PARP9: variants seen among roughly 807,000 people sequenced by gnomAD.
PARP9 encodes protein mono-ADP-ribosyltransferase PARP9.
PARP9 carries 48 observed loss-of-function variants against 68.8 expected under a neutral mutation model. That is an observed-to-expected ratio of 0.70 (90% confidence interval 0.55 to 0.89). The LOEUF (loss-of-function observed/expected upper bound fraction) is 0.89, where lower values mean the gene tolerates loss of function less well. Among genes scored for constraint, PARP9 ranks in the 40% least tolerant of loss-of-function variants. The pLI is 0.00. For missense variants in PARP9, 806 were observed against 969.3 expected, an observed-to-expected ratio of 0.83 and a Z score of 2.24; for synonymous variants, 309 against 333.8, an observed-to-expected ratio of 0.93 and a Z score of 0.81.
chr3:122,554,330 T>C (rs1418042906), intron 4 of PARP9, among the ~76,000 whole-genome samples: 1 of 152,234 alleles, frequency 6.6e-6, no homozygotes. Flanking sequence ...CAAATTTACA[T>C]ACTCTTAAGT....
At chr3:122,531,984 C>T (rs534980580) in intron 10 of PARP9, 55 of 261,076 alleles carry the variant, frequency 2.1e-4, no homozygotes, top group Middle Eastern at 2.0e-3. Context: ...CCCTTGAGAG[C>T]CCTGGGAGTC....
At chr3:122,561,520 T>A (rs1002628730) in intron 1 of PARP9, among the ~76,000 whole-genome samples, 2 of 152,218 alleles carry the variant, frequency 1.3e-5, no homozygotes, top group Non-Finnish European at 2.9e-5. Context: ...TGGATTATCT[T>A]CTATCCATCT....
At chr3:122,555,247 C>A in intron 4 of PARP9, 39 bp downstream of exon 4, 1 of 1,526,678 alleles carries the variant, frequency 6.6e-7, no homozygotes, top group African/African-American at 1.4e-5. Context: ...TTTCAGGGAT[C>A]ACCTGTGCCA....
At chr3:122,538,370 C>CCATG (rs1403816940) in intron 8 of PARP9, among the ~76,000 whole-genome samples, 1 of 152,098 alleles carries the variant, frequency 6.6e-6, no homozygotes, top group Non-Finnish European at 1.5e-5. Context: ...AAAAGAGAGG[C>CCATG]CATGCCTAAC....
At chr3:122,547,400 C>A (rs952081349) in intron 6 of PARP9, among the ~76,000 whole-genome samples, 4 of 151,916 alleles carry the variant, frequency 2.6e-5, no homozygotes, top group African/African-American at 9.7e-5. Context: ...CGGCCCCCTA[C>A]GGCACTATTT....
chr3:122,547,145 C>T (rs1185891255), intron 6 of PARP9, among the ~76,000 whole-genome samples: 5 of 131,134 alleles, frequency 3.8e-5, no homozygotes, highest in Admixed American at 1.7e-4. Flanking sequence ...CCCTGGCTGG[C>T]GTGCAGTGGT....
At chr3:122,537,836 C>T (rs2077767834) in intron 8 of PARP9, among the ~76,000 whole-genome samples, 3 of 151,872 alleles carry the variant, frequency 2.0e-5, no homozygotes, top group Non-Finnish European at 2.9e-5. Flanking sequence ...TCCTTCCTTC[C>T]TTCCTCCTTC....
rs1202204342 is a variant in PARP9 at position 122,555,599 on chromosome 3, T to C, written c.572A>G (p.Tyr191Cys). ...TACTGTCTTAATGTGAGTATTTTTA[T>C]AGATGACATAATTCAGAATACTTAC... ...AIVSILNYVI[Y>C]KNTHIKTVAI... The change falls in exon 4 of 11, where the codon TAT (tyrosine) becomes TGT (cysteine). Residue 191 changes from tyrosine (Y) to cysteine (C), a missense_variant. Physicochemically the swap from Tyr to Cys is radical, Grantham distance 194. This residue lies in a region of PARP9 where 680 missense variants were observed against 858.8 expected (regional missense o/e 0.79). Transcript: ENST00000682323. 1 of 1,614,218 alleles carries C rather than the reference T, an allele frequency of 6.2e-7. No individual in the cohort carries two copies. Among genetic ancestry groups the C allele is most frequent in the Non-Finnish European group, 8.5e-7 (1 of 1,180,030 alleles).
chr3:122,540,070 G>A (rs62263865), intron 8 of PARP9, among the ~76,000 whole-genome samples: 11,003 of 152,322 alleles, frequency 0.072, 548 homozygotes, highest in Admixed American at 0.13. Flanking sequence ...AATGCTGTCA[G>A]TGACAAATAA....
chr3:122,541,039 C>T (rs1192586110), intron 7 of PARP9, among the ~76,000 whole-genome samples, 187 bp from the exon 8 acceptor site: 1 of 152,030 alleles, frequency 6.6e-6, no homozygotes, highest in East Asian at 1.9e-4. Flanking sequence ...TACAGGCGCC[C>T]GCCACCAAGC....
At chr3:122,556,142 A>G (rs779307042) in intron 3 of PARP9, 21 bp from the exon 4 acceptor site, 1 of 194,080 alleles carries the variant, frequency 5.2e-6, no homozygotes, top group Non-Finnish European at 7.2e-6. Flanking sequence ...AGAGAAGATT[A>G]AAAAAAAAAA....
chr3:122,535,598 A>G (rs902776875), intron 10 of PARP9: 15 of 985,312 alleles, frequency 1.5e-5, no homozygotes, highest in South Asian at 1.4e-4. Flanking sequence ...TATATATGCA[A>G]TGTTTTTGTA....
chr3:122,531,935 G>A (rs1403566234), intron 10 of PARP9: 1 of 155,696 alleles, frequency 6.4e-6, no homozygotes, highest in East Asian at 1.9e-4. Context: ...TAGAGCTCTT[G>A]GGGGAGCTTG....
Position 122,528,550 on chromosome 3 carries a change from G to T in PARP9, c.2274C>A (p.Asp758Glu), listed in dbSNP as rs1276704526. ...PLSPGAIDGH[D>E]SVVDNVSSPE... is the part of the protein sequence containing the mutation. ...GGCTGGAGACATTGTCAACCACACT[G>T]TCATGACCATCTATAGCTCCAGGAC... The change falls in exon 11 of 11, where the codon GAC (aspartate) becomes GAA (glutamate). Residue 758 changes from aspartate (D) to glutamate (E), a missense_variant. By Grantham distance (45) the Asp-to-Glu change is conservative. Around this residue, in one of 2 missense-constraint regions of PARP9, gnomAD observed 680 missense variants for 858.8 expected, o/e 0.79. Transcript: ENST00000682323. The T allele has an allele frequency of 1.2e-6, 2 of 1,614,204 alleles. No homozygotes were observed. Among genetic ancestry groups the T allele is most frequent in the Admixed American group, 3.3e-5 (2 of 60,024 alleles).
chr3:122,534,893 A>G, intron 10 of PARP9: 1 of 955,280 alleles, frequency 1.0e-6, no homozygotes, highest in African/African-American at 1.8e-5. Context: ...TAAATAAATA[A>G]ATAAAGAGAG....
chr3:122,564,493 C>T (rs2080511905), upstream of PARP9: 3 of 1,612,692 alleles, frequency 1.9e-6, no homozygotes, highest in Non-Finnish European at 2.5e-6. Context: ...CCCCCGAGTA[C>T]GAAGGAAGCT....
intron 5 of PARP9, 58 bp from the exon 6 acceptor site, chr3:122,550,860 C>T (rs2079142943): frequency 1.4e-6 from 2 of 1,428,126 alleles, no homozygotes; most frequent in South Asian, 1.2e-5. Flanking sequence ...ACTCCACTTA[C>T]CCCTTGATCC....
chr3:122,540,334 T>C (rs1181219685), intron 8 of PARP9, 138 bp downstream of exon 8: 5 of 1,119,202 alleles, frequency 4.5e-6, no homozygotes, highest in Non-Finnish European at 4.9e-6. Context: ...CAAAGGCTTA[T>C]GATCTAACAA....
At position 122,540,627 on chromosome 3, in the gene PARP9, G is replaced by C. The variant is rs1181961242; in HGVS notation, c.1610C>G (p.Ser537Cys). 1 of 1,613,994 alleles carries C rather than the reference G, an allele frequency of 6.2e-7. No individual in the cohort carries two copies. Among genetic ancestry groups the C allele is most frequent in the Non-Finnish European group, 8.5e-7 (1 of 1,180,042 alleles). The change falls in exon 8 of 11, where the codon TCC becomes TGC. Residue 537 changes from serine to cysteine, a missense_variant. Physicochemically the swap from Ser to Cys is moderately radical, Grantham distance 112. This residue lies in a region of PARP9 where 680 missense variants were observed against 858.8 expected (regional missense o/e 0.79). Transcript: ENST00000682323. Reference protein sequence around the residue: ...LSQLQKTSSVSITEIISPGRT... With the variant: ...LSQLQKTSSVCITEIISPGRT... ...TCCTGGGCTGATAATTTCTGTGATG[G>C]AGACACTTGAAGTTTTCTGAAGCTG...
Sources: gnomAD v4.1 joint callset for allele counts (sites outside exome capture counted in the v4.1 genomes callset) on GRCh38, gnomAD v4.1.1 for gene constraint, gnomAD v4.1.1 regional missense constraint, MANE v1.5 for transcripts, NCBI Gene and HGNC (gene_info 2026-07-23, HGNC 2026-07-21) for gene names.